Variants in HECTD2 observed in about 807,000 individuals in gnomAD.
The protein encoded by HECTD2 is HECT domain E3 ubiquitin protein ligase 2.
HECTD2 carries 35 observed loss-of-function variants against 103.2 expected under a neutral mutation model. The ratio of observed to expected loss-of-function variants is 0.34; its 90% CI spans 0.26 to 0.45. HECTD2 has a LOEUF of 0.45. Ranked by LOEUF, HECTD2 falls within the 20% of genes least tolerant of loss-of-function variation. HECTD2 has a pLI of 1.00. For missense variants in HECTD2, 596 were observed against 937.4 expected (o/e 0.64, Z 4.76); for synonymous variants, 281 against 329.9 (o/e 0.85, Z 1.61).
intron 18 of HECTD2, among the ~76,000 whole-genome samples, 187 bp downstream of exon 18, chr10:91,499,337 C>T (rs1029505030): frequency 6.6e-6 from 1 of 152,012 alleles, no homozygotes; most frequent in South Asian, 2.1e-4. Flanking sequence ...GGGAAAAACA[C>T]CCCAGTCAGT....
At chr10:91,410,341 C>T, upstream of HECTD2, 3 of 706,870 alleles carry the variant, frequency 4.2e-6, no homozygotes, top group Non-Finnish European at 5.6e-6. Flanking sequence ...GAAGCGGCAG[C>T]CCAGAGCCCT....
At chr10:91,504,503 G>A (rs1463712405) in intron 20 of HECTD2, among the ~76,000 whole-genome samples, 33 of 152,276 alleles carry the variant, frequency 2.2e-4, no homozygotes, top group African/African-American at 4.6e-4. Flanking sequence ...GAGCCAATGC[G>A]ATAAACTGGA....
At chr10:91,453,098 T>C (rs1426849518) in intron 2 of HECTD2, among the ~76,000 whole-genome samples, 2 of 152,124 alleles carry the variant, frequency 1.3e-5, no homozygotes, top group Non-Finnish European at 1.5e-5. Context: ...ACAAAAATTA[T>C]AACACCAGCG....
At chr10:91,431,824 A>G (rs532379948) in intron 2 of HECTD2, among the ~76,000 whole-genome samples, 9 of 152,054 alleles carry the variant, frequency 5.9e-5, no homozygotes, top group South Asian at 2.1e-4. Context: ...CTTTGGTTTG[A>G]ATTTCCTCCT....
intron 2 of HECTD2, among the ~76,000 whole-genome samples, chr10:91,444,265 C>G (rs1844496235): frequency 6.6e-6 from 1 of 152,134 alleles, no homozygotes; most frequent in Non-Finnish European, 1.5e-5. Context: ...TTTATATCCA[C>G]TCATTTTATT....
chr10:91,418,947 T>C (rs763315961), intron 1 of HECTD2, among the ~76,000 whole-genome samples: 1 of 152,218 alleles, frequency 6.6e-6, no homozygotes, highest in Non-Finnish European at 1.5e-5. Flanking sequence ...GTAGTTTTTA[T>C]ATGCATCACA....
intron 14 of HECTD2, among the ~76,000 whole-genome samples, chr10:91,494,960 G>GT (rs545622752): frequency 8.6e-5 from 13 of 150,904 alleles, no homozygotes; most frequent in Non-Finnish European, 1.8e-4. Flanking sequence ...ATTGCTCATT[G>GT]TTTTTTTTGC....
At chr10:91,443,921 G>T (rs948229337) in intron 2 of HECTD2, among the ~76,000 whole-genome samples, 1 of 152,098 alleles carries the variant, frequency 6.6e-6, no homozygotes, top group African/African-American at 2.4e-5. Context: ...ATTGGACAGA[G>T]GTTCAATTTA....
rs1431502697 is a variant in HECTD2 at position 91,496,340 on chromosome 10, G to A, written c.1648G>A (p.Val550Ile). 1 of 1,612,174 alleles carries A rather than the reference G, an allele frequency of 6.2e-7. No individual in the cohort carries two copies. Among genetic ancestry groups the A allele is most frequent in the South Asian group, 1.1e-5 (1 of 90,774 alleles). Residue 550 changes from valine to isoleucine, a missense_variant, in exon 15 of 21, where the codon GTT (valine) becomes ATT (isoleucine). Transcript: ENST00000298068. ...AAATATACCAGTAGGCATCTGCAAT[G>A]TTACCGTGGACGACTTATGTCAAAT... ...DQNIPVGICN[V>I]TVDDLCQIMP...
chr10:91,423,641 T>G (rs1266020296), intron 1 of HECTD2, among the ~76,000 whole-genome samples: 1 of 152,174 alleles, frequency 6.6e-6, no homozygotes, highest in East Asian at 1.9e-4. Context: ...AGTTCCACTT[T>G]CCTTTCTGTG....
chr10:91,480,374 T>C (rs1846048903), intron 6 of HECTD2, among the ~76,000 whole-genome samples: 1 of 151,974 alleles, frequency 6.6e-6, no homozygotes, highest in Non-Finnish European at 1.5e-5. Context: ...GCATAGAGAA[T>C]GACAAAAGCT....
intron 5 of HECTD2, among the ~76,000 whole-genome samples, chr10:91,468,601 C>A (rs975072422): frequency 6.6e-6 from 1 of 151,804 alleles, no homozygotes; most frequent in Admixed American, 6.6e-5. Flanking sequence ...TGGATAGGAA[C>A]AAAGATCATT....
In HECTD2 at chr10:91,512,408, T is replaced by C. The variant is rs1486843308; in HGVS notation, c.*24T>C. On this transcript the variant is annotated 3_prime_UTR_variant, in exon 21 of 21. Transcript: ENST00000298068. Reference sequence around the variant, plus strand: ...AACCTAGAAGACTTGAAATATAATCTTTTATATGTAGCATTCACTTCCCTC... The same window carrying C: ...AACCTAGAAGACTTGAAATATAATCCTTTATATGTAGCATTCACTTCCCTC... 6.3e-7 allele frequency: 1 copy of C among 1,597,484 alleles called. No individual in the cohort carries two copies. Among genetic ancestry groups the C allele is most frequent in the Non-Finnish European group, 8.6e-7 (1 of 1,166,434 alleles).
intron 2 of HECTD2, among the ~76,000 whole-genome samples, chr10:91,444,283 T>C (rs1282777528): frequency 6.6e-6 from 1 of 152,166 alleles, no homozygotes; most frequent in Non-Finnish European, 1.5e-5. Flanking sequence ...ATTAATACCA[T>C]GTTGAGGTGG....
chr10:91,456,783 C>G (rs1205938627), intron 2 of HECTD2, among the ~76,000 whole-genome samples: 1 of 152,020 alleles, frequency 6.6e-6, no homozygotes, highest in East Asian at 1.9e-4. Context: ...AATATCTAAG[C>G]CTTTAGCTCA....
At position 91,513,422 on chromosome 10, in the gene HECTD2, T is replaced by C. The variant is rs910260583; in HGVS notation, c.*1038T>C. ...TAATAACACTTGTGTCAAAATGATA[T>C]AGCTTAGTATAAAAATAAAATTCAA... On this transcript the variant is annotated 3_prime_UTR_variant, in exon 21 of 21. Transcript: ENST00000298068. The C allele has an allele frequency of 2.0e-5, 3 of 152,614 alleles. No individual in the cohort carries two copies. Among genetic ancestry groups the C allele is most frequent in the Non-Finnish European group, 2.9e-5 (2 of 68,020 alleles). 9.5% of individuals were successfully genotyped at this position (152,614 alleles called of 1,614,324 possible).
At position 91,462,195 on chromosome 10, in the gene HECTD2, T is replaced by A. The variant is rs775073895; in HGVS notation, c.600+11T>A. 2 of 1,569,522 alleles carry A rather than the reference T, an allele frequency of 1.3e-6. No individual in the cohort carries two copies. Among genetic ancestry groups the A allele is most frequent in the Non-Finnish European group, 1.7e-6 (2 of 1,150,664 alleles). On this transcript the variant is annotated intron_variant, in intron 5 of 20. Transcript: ENST00000298068. ...ACCTTACTTAATACTGTAAGTATTA[T>A]GACATGCAAGTAATATTATTCTGTG...
At chr10:91,484,017 C>A (rs1252053841) in intron 8 of HECTD2, 1 of 238,800 alleles carries the variant, frequency 4.2e-6, no homozygotes, top group Non-Finnish European at 8.0e-6. Context: ...CAAAAAGCAC[C>A]AAAATGTGAA....
chr10:91,491,026 A>AAAT (rs1418470948), intron 11 of HECTD2, among the ~76,000 whole-genome samples, 174 bp from the exon 12 acceptor site: 1 of 152,052 alleles, frequency 6.6e-6, no homozygotes, highest in Non-Finnish European at 1.5e-5. Context: ...TTACAAAATG[A>AAAT]AATAATAATA....
Sources: gnomAD v4.1 joint callset for allele counts (sites outside exome capture counted in the v4.1 genomes callset) on GRCh38, gnomAD v4.1.1 for gene constraint, MANE v1.5 for transcripts, NCBI Gene and HGNC (gene_info 2026-07-23, HGNC 2026-07-21) for gene names.